The following DCC variants were observed in gnomAD, a reference collection of about 807,000 sequenced individuals.
DCC encodes DCC netrin 1 receptor, also known as netrin receptor DCC.
DCC carries 58 observed loss-of-function variants against 172.5 expected under a neutral mutation model. The ratio of observed to expected loss-of-function variants is 0.34; its 90% CI spans 0.27 to 0.42. DCC has a LOEUF of 0.42. Ranked by LOEUF, DCC falls within the 10% of genes least tolerant of loss-of-function variation. The pLI is 1.00. For synonymous variants in DCC, 709 were observed against 644.5 expected (o/e 1.10, Z -1.52); for missense variants, 1,740 against 1,791.0 (o/e 0.97, Z 0.51).
intron 2 of DCC, among the ~76,000 whole-genome samples, chr18:52,896,912 C>T (rs983314552): frequency 6.6e-6 from 1 of 152,090 alleles, no homozygotes; most frequent in Non-Finnish European, 1.5e-5. Flanking sequence ...TTATAAAATT[C>T]ATTCCCTCAG....
At chr18:52,817,615 T>A (rs547180367) in intron 2 of DCC, among the ~76,000 whole-genome samples, 1 of 152,170 alleles carries the variant, frequency 6.6e-6, no homozygotes, top group African/African-American at 2.4e-5. Context: ...TATTTTCATC[T>A]TAATGAGTGA....
chr18:53,128,830 T>TACACACACACACACACAC (rs1209652447), intron 7 of DCC, among the ~76,000 whole-genome samples: 1 of 86,966 alleles, frequency 1.1e-5, no homozygotes, highest in African/African-American at 4.2e-5. Context: ...TGTATACACA[T>TACACACACACACACACAC]ACACACACAC....
In DCC at chr18:52,999,425, C is replaced by T. The variant is rs1054504128; in HGVS notation, c.986-63880C>T. 5.9e-5 allele frequency among the ~76,000 whole-genome samples: 9 copies of T among 152,138 alleles called. No individual in the cohort carries two copies. In the East Asian group the frequency reaches 1.5e-3, roughly 26 times the overall value. ...TACTTCATTTGTGGAGGGATTTGTG[C>T]ACCCTTTCCTGTTTAGAAGGGGGCT... On this transcript the variant is annotated intron_variant, in intron 5 of 28. Transcript: ENST00000442544.
At chr18:53,375,326 A>G (rs751516775) in intron 15 of DCC, among the ~76,000 whole-genome samples, 8 of 152,194 alleles carry the variant, frequency 5.3e-5, no homozygotes, top group Non-Finnish European at 8.8e-5. Context: ...ACCCAAAGGA[A>G]TGAATATGGA....
intron 1 of DCC, among the ~76,000 whole-genome samples, chr18:52,369,337 T>C (rs1985015299): frequency 6.6e-6 from 1 of 152,156 alleles, no homozygotes. Flanking sequence ...AAATTGGTTA[T>C]TTCTCCCCAC....
intron 15 of DCC, among the ~76,000 whole-genome samples, chr18:53,362,815 A>G (rs1568082923): frequency 2.0e-5 from 3 of 152,138 alleles, no homozygotes; most frequent in African/African-American, 7.2e-5. Flanking sequence ...AAAGAAGTAG[A>G]TATTATTACT....
chr18:52,986,642 A>G (rs949714574), intron 5 of DCC, among the ~76,000 whole-genome samples: 23 of 151,556 alleles, frequency 1.5e-4, no homozygotes, highest in Non-Finnish European at 8.8e-5. Context: ...ATTGGTTTTT[A>G]TTTTTCTCTT....
intron 3 of DCC, among the ~76,000 whole-genome samples, chr18:52,914,608 G>C (rs955561308): frequency 6.6e-6 from 1 of 152,070 alleles, no homozygotes; most frequent in East Asian, 1.9e-4. Flanking sequence ...TCTGGTTCCC[G>C]TGATCAGTTT....
rs553222827 is a variant in DCC, at chr18:52,798,550, T to TAAAAA, written c.412+46178_412+46182dup. Among the ~76,000 whole-genome samples, 521 of 151,986 alleles carry TAAAAA rather than the reference T, an allele frequency of 3.4e-3. 5 individuals carry two copies. Among genetic ancestry groups the TAAAAA allele is most frequent in the African/African-American group, 0.011 (464 of 41,474 alleles). On this transcript the variant is annotated intron_variant, in intron 2 of 28. Coordinates refer to ENST00000442544, the MANE Select transcript of DCC (RefSeq NM_005215.4). ...TACAATTAGAGGTGTTTTTCTTTGT[T>TAAAAA]AAAAAATAAAAATCCAAATACTTTC...
At chr18:52,707,708 G>A (rs534245786) in intron 1 of DCC, among the ~76,000 whole-genome samples, 9 of 152,236 alleles carry the variant, frequency 5.9e-5, no homozygotes, top group Admixed American at 1.3e-4. Flanking sequence ...CTTGAAATTC[G>A]TGACATGGAT....
At position 53,305,601 on chromosome 18, in the gene DCC, T is replaced by A. The variant is rs775675060; in HGVS notation, c.1935T>A (p.Pro645=). The change falls in exon 13 of 29, where the codon CCT becomes CCA. Residue 645 remains proline (P), a synonymous_variant. Coordinates refer to ENST00000442544, the MANE Select transcript of DCC (RefSeq NM_005215.4). Reference sequence around the variant, plus strand: ...AGAGTATCAAAGTTAGCTGGCTGCCTCCTCCATCAGGAACACAAAATGGAT... The same window carrying A: ...AGAGTATCAAAGTTAGCTGGCTGCCACCTCCATCAGGAACACAAAATGGAT... ...NSRSIKVSWL[P]PPSGTQNGFI... 1.9e-6 allele frequency: 3 copies of A among 1,612,838 alleles called. No individual in the cohort carries two copies. The highest frequency in any genetic ancestry group is 2.5e-6 in the Non-Finnish European group (3 of 1,179,002).
rs773520613 is a variant in DCC at position 53,530,704 on chromosome 18, C to G, written c.*51C>G. 1.0e-6 allele frequency: 1 copy of G among 956,194 alleles called. No individual in the cohort carries two copies. Among genetic ancestry groups the G allele is most frequent in the Non-Finnish European group, 1.7e-6 (1 of 578,874 alleles). 59.2% of individuals were successfully genotyped at this position (956,194 alleles called of 1,614,324 possible). A position where few individuals can be genotyped will look rare whatever the true frequency, so the allele number is the denominator to read the frequency against. ...AATTTTCCGGGAACTTTGCAGCATA[C>G]CAATTACCCATAAACAGCACACCTG... On this transcript the variant is annotated 3_prime_UTR_variant, in exon 29 of 29. Coordinates refer to ENST00000442544, the MANE Select transcript of DCC (RefSeq NM_005215.4).
intron 5 of DCC, among the ~76,000 whole-genome samples, chr18:53,031,351 G>A (rs1047084723): frequency 6.6e-5 from 10 of 152,252 alleles, no homozygotes; most frequent in Non-Finnish European, 1.3e-4. Context: ...CAGTCTTGTT[G>A]CATTGTAAAT....
intron 1 of DCC, among the ~76,000 whole-genome samples, chr18:52,440,160 T>C (rs1221271495): frequency 3.9e-5 from 6 of 152,278 alleles, no homozygotes; most frequent in African/African-American, 1.2e-4. Flanking sequence ...AGACCCCAAT[T>C]TGAAGCGCAT....
Position 53,526,304 on chromosome 18 carries a change from A to C in DCC, c.4112-313A>C, listed in dbSNP as rs140915899. ...CCTAAGCCGAGACTGGCACCAAATA[A>C]GCTTGCCTGACACTTTATAGGGTGT... On this transcript the variant is annotated intron_variant, in intron 27 of 28. Coordinates refer to ENST00000442544, the MANE Select transcript of DCC (RefSeq NM_005215.4). Among the ~76,000 whole-genome samples, 8 of 152,236 alleles carry C rather than the reference A, an allele frequency of 5.3e-5. No homozygotes were observed. The East Asian group carries it at 1.6e-3, about 30-fold the overall frequency.
At chr18:53,510,425 A>C (rs1231667596) in intron 27 of DCC, among the ~76,000 whole-genome samples, 1 of 152,206 alleles carries the variant, frequency 6.6e-6, no homozygotes, top group Non-Finnish European at 1.5e-5. Flanking sequence ...TGAGCAGTCA[A>C]GTAGTTCAAT....
chr18:53,532,861 A>G lies in DCC; in HGVS notation c.*2208A>G, dbSNP rs2046538298. On this transcript the variant is annotated 3_prime_UTR_variant, in exon 29 of 29. Coordinates refer to ENST00000442544, the MANE Select transcript of DCC (RefSeq NM_005215.4). Reference sequence around the variant, plus strand: ...ACCTATCATTTTCACAAATTTCTAGATCCTTCTAGTCAAAAATAATTATTT... The same window carrying G: ...ACCTATCATTTTCACAAATTTCTAGGTCCTTCTAGTCAAAAATAATTATTT... The G allele has an allele frequency of 6.6e-6, 1 of 151,734 alleles. No individual in the cohort carries two copies. The highest frequency in any genetic ancestry group is 1.5e-5 in the Non-Finnish European group (1 of 67,952). 9.4% of individuals were successfully genotyped at this position (151,734 alleles called of 1,614,324 possible).
chr18:52,349,829 T>TC (rs1363103818), intron 1 of DCC, among the ~76,000 whole-genome samples: 1 of 152,148 alleles, frequency 6.6e-6, no homozygotes, highest in East Asian at 1.9e-4. Context: ...CTCATACCAC[T>TC]CCAGAAGCTT....
intron 1 of DCC, among the ~76,000 whole-genome samples, chr18:52,632,867 C>A (rs2034702811): frequency 6.6e-6 from 1 of 152,128 alleles, no homozygotes; most frequent in Non-Finnish European, 1.5e-5. Context: ...CTTTCTATTG[C>A]CCTTTTCATT....
Sources: allele counts gnomAD v4.1 joint callset (sites outside exome capture counted in the v4.1 genomes callset), GRCh38; gene constraint gnomAD v4.1.1; transcripts MANE v1.5; gene names NCBI Gene and HGNC (gene_info 2026-07-23, HGNC 2026-07-21).